Variants in EYA4 observed in about 807,000 individuals in gnomAD.
The protein encoded by EYA4 is EYA transcriptional coactivator and phosphatase 4.
EYA4 carries 31 observed loss-of-function variants against 87.9 expected under a neutral mutation model. That is an observed-to-expected ratio of 0.35 (90% CI 0.27 to 0.48). EYA4 has a LOEUF of 0.48. Among genes scored for constraint, EYA4 ranks in the 20% least tolerant of loss-of-function variants. The probability of loss-of-function intolerance (pLI) is 0.99; values close to 1 mark genes in which losing one functional copy is unlikely to be tolerated. For synonymous variants in EYA4, 263 were observed against 270.6 expected (o/e 0.97, Z 0.28); for missense variants, 678 against 761.4 (o/e 0.89, Z 1.29).
chr6:133,476,705 A>G (rs1338831237), intron 11 of EYA4, among the ~76,000 whole-genome samples: 2 of 152,120 alleles, frequency 1.3e-5, no homozygotes, highest in Admixed American at 6.6e-5. Flanking sequence ...TAATGCTGCA[A>G]TGAACATGGA....
intron 2 of EYA4, among the ~76,000 whole-genome samples, chr6:133,313,954 A>G (rs1423800409): frequency 3.3e-5 from 5 of 152,164 alleles, no homozygotes; most frequent in African/African-American, 1.2e-4. Flanking sequence ...GTCTTTTCAA[A>G]ATAACTTCTA....
chr6:133,525,227 T>G lies in EYA4; in HGVS notation c.1812T>G (p.Gly604=). The change falls in exon 19 of 20, where the codon GGT becomes GGG. Residue 604 remains glycine, a synonymous_variant. Coordinates refer to ENST00000355286, the MANE Select transcript of EYA4 (RefSeq NM_004100.5). ...TAGTGTATGTTGTAATTGGGGATGGTGTAGAAGAAGAACAGGCAGCAAAAA... is the reference window on the plus strand; with the variant it reads ...TAGTGTATGTTGTAATTGGGGATGGGGTAGAAGAAGAACAGGCAGCAAAAA... The part of the protein sequence containing the change: ...RKVVYVVIGD[G]VEEEQAAKKH... 6.2e-7 allele frequency: 1 copy of G among 1,613,670 alleles called. No homozygotes were observed. The highest frequency in any genetic ancestry group is 8.5e-7 in the Non-Finnish European group (1 of 1,179,706).
At chr6:133,423,072 G>A (rs987310449) in intron 3 of EYA4, among the ~76,000 whole-genome samples, 2 of 152,038 alleles carry the variant, frequency 1.3e-5, no homozygotes, top group Non-Finnish European at 1.5e-5. Context: ...TGGGCGATGG[G>A]GAACACAAAG....
chr6:133,353,749 A>G (rs1266893665), intron 2 of EYA4, among the ~76,000 whole-genome samples: 2 of 152,188 alleles, frequency 1.3e-5, no homozygotes, highest in East Asian at 3.8e-4. Flanking sequence ...TCTAATTTTT[A>G]CACTTGATTT....
chr6:133,468,826 C>T (rs765911637), intron 11 of EYA4, 95 bp downstream of exon 11: 79 of 1,253,860 alleles, frequency 6.3e-5, no homozygotes, highest in Non-Finnish European at 8.5e-5. Flanking sequence ...GCGGAAAGCT[C>T]CCAGATAATT....
At chr6:133,422,060 CTTA>C (rs1162191709) in intron 3 of EYA4, among the ~76,000 whole-genome samples, 2 of 152,142 alleles carry the variant, frequency 1.3e-5, no homozygotes, top group Admixed American at 6.5e-5. Flanking sequence ...TTACCCATTT[CTTA>C]TTATGATATT....
chr6:133,311,076 A>G (rs62430320), intron 2 of EYA4, among the ~76,000 whole-genome samples: 66,129 of 151,872 alleles, frequency 0.44, 15,134 homozygotes, highest in Non-Finnish European at 0.52. Flanking sequence ...CTTCTTGCTT[A>G]TTCCCCACAT....
chr6:133,331,343 A>G (rs960809105), intron 2 of EYA4, among the ~76,000 whole-genome samples: 1 of 152,192 alleles, frequency 6.6e-6, no homozygotes, highest in Non-Finnish European at 1.5e-5. Flanking sequence ...ATCATTTATT[A>G]TCAGCAGAAT....
chr6:133,384,097 G>A (rs989062693), intron 3 of EYA4, among the ~76,000 whole-genome samples: 10 of 152,088 alleles, frequency 6.6e-5, no homozygotes, highest in African/African-American at 2.4e-4. Context: ...AGGCTACTCA[G>A]GATTTTTGGG....
chr6:133,309,924 A>G (rs62430319), intron 2 of EYA4, among the ~76,000 whole-genome samples: 17,750 of 152,208 alleles, frequency 0.12, 1,301 homozygotes, highest in Non-Finnish European at 0.16. Flanking sequence ...AGAGTAGAAA[A>G]GAAAGATATT....
intron 11 of EYA4, among the ~76,000 whole-genome samples, chr6:133,470,329 A>T (rs1795224256): frequency 1.4e-5 from 1 of 70,070 alleles, no homozygotes; most frequent in African/African-American, 6.8e-5. Flanking sequence ...TTTTCCCAGC[A>T]CCATTTATTA....
chr6:133,245,837 G>T (rs375249234), intron 1 of EYA4, among the ~76,000 whole-genome samples: 4 of 152,306 alleles, frequency 2.6e-5, no homozygotes, highest in Admixed American at 1.3e-4. Context: ...GAGGTTTGAA[G>T]ACTTTGTAAA....
chr6:133,271,691 G>A (rs569900540), intron 1 of EYA4, among the ~76,000 whole-genome samples: 1 of 152,258 alleles, frequency 6.6e-6, no homozygotes, highest in East Asian at 1.9e-4. Flanking sequence ...GTTTAGCCTT[G>A]GAGGATGGAA....
intron 2 of EYA4, among the ~76,000 whole-genome samples, chr6:133,339,022 C>T (rs1782588413): frequency 6.6e-6 from 1 of 152,060 alleles, no homozygotes; most frequent in South Asian, 2.1e-4. Context: ...TTATTAGGTG[C>T]TGAAATCAGT....
At chr6:133,392,588 G>C (rs111608739) in intron 3 of EYA4, among the ~76,000 whole-genome samples, 1 of 152,114 alleles carries the variant, frequency 6.6e-6, no homozygotes, top group Non-Finnish European at 1.5e-5. Flanking sequence ...TTATTTTGGG[G>C]CGGCATTACA....
chr6:133,530,772 T>G lies in EYA4; in HGVS notation c.*1967T>G, dbSNP rs1222941415. 4.1e-6 allele frequency: 4 copies of G among 987,192 alleles called. No homozygotes were observed. Among genetic ancestry groups the G allele is most frequent in the Non-Finnish European group, 4.8e-6 (4 of 830,902 alleles). The allele number at this position is 987,192 out of a possible 1,614,324, so 61.2% of individuals were successfully genotyped here. The stretch of plus-strand genomic sequence containing the variant: ...ACCTTAAACTTAATCCTTTAAATTT[T>G]GTAGCTTTTGGCTGCATCTGCCCCA... On this transcript the variant is annotated 3_prime_UTR_variant, in exon 20 of 20. Transcript: ENST00000355286.
chr6:133,529,027 G>A lies in EYA4; in HGVS notation c.*222G>A, dbSNP rs998303327. ...TCTTATATTTACAACACTTTAATGG[G>A]TTTTTTAAAAATCTGTGGAGGTTGC... is the stretch of plus-strand genomic sequence containing the variant. On this transcript the variant is annotated 3_prime_UTR_variant, in exon 20 of 20. Transcript: ENST00000355286. 3.2e-5 allele frequency: 42 copies of A among 1,321,660 alleles called. No homozygotes were observed. Among genetic ancestry groups the A allele is most frequent in the Non-Finnish European group, 1.1e-5 (11 of 1,029,892 alleles). The allele number at this position is 1,321,660 out of a possible 1,614,324, so 81.9% of individuals were successfully genotyped here.
intron 3 of EYA4, among the ~76,000 whole-genome samples, chr6:133,408,584 G>T (rs1458495123): frequency 2.0e-5 from 3 of 152,122 alleles, no homozygotes; most frequent in Non-Finnish European, 4.4e-5. Context: ...TTTGCCACTT[G>T]CTAGCTATAC....
At chr6:133,475,490 G>A (rs897751717) in intron 11 of EYA4, among the ~76,000 whole-genome samples, 3 of 152,052 alleles carry the variant, frequency 2.0e-5, no homozygotes, top group Admixed American at 6.6e-5. Flanking sequence ...GATAGAGTAA[G>A]ATCATTTCAC....
Sources: allele counts gnomAD v4.1 joint callset (sites outside exome capture counted in the v4.1 genomes callset), GRCh38; gene constraint gnomAD v4.1.1; transcripts MANE v1.5; gene names NCBI Gene and HGNC (gene_info 2026-07-23, HGNC 2026-07-21).